Variants in EIF4G3 observed in about 807,000 individuals in gnomAD.
EIF4G3 encodes the protein eukaryotic translation initiation factor 4 gamma 3.
In EIF4G3, 34 loss-of-function variants were observed where a neutral mutation model predicts 186.4. The observed-to-expected ratio is 0.18, with a 90% confidence interval of 0.14 to 0.24. The LOEUF (loss-of-function observed/expected upper bound fraction) is 0.24, where lower values mean the gene tolerates loss of function less well. EIF4G3 is among the 10% of genes least tolerant of loss of function. EIF4G3 has a pLI of 1.00. For missense variants in EIF4G3, 1,536 were observed against 1,948.5 expected (o/e 0.79, Z 3.99); for synonymous variants, 673 against 679.5 (o/e 0.99, Z 0.15).
intron 4 of EIF4G3, among the ~76,000 whole-genome samples, chr1:21,015,665 T>C (rs1282413646): frequency 6.7e-6 from 1 of 148,802 alleles, no homozygotes; most frequent in Non-Finnish European, 1.5e-5. Context: ...AACTGAATCA[T>C]GACAAGCAAG....
chr1:20,883,307 A>C (rs1166197614), intron 19 of EIF4G3, among the ~76,000 whole-genome samples: 1 of 152,128 alleles, frequency 6.6e-6, no homozygotes, highest in Non-Finnish European at 1.5e-5. Context: ...GAACTGGATT[A>C]GTCGAGGAAT....
intron 2 of EIF4G3, among the ~76,000 whole-genome samples, chr1:21,096,159 G>C (rs1318792909): frequency 2.0e-5 from 3 of 152,118 alleles, no homozygotes; most frequent in Non-Finnish European, 2.9e-5. Flanking sequence ...TCCATCAGAA[G>C]ATGACTGCAT....
chr1:21,096,841 T>C (rs1040968563), intron 2 of EIF4G3, among the ~76,000 whole-genome samples: 8 of 152,348 alleles, frequency 5.3e-5, no homozygotes, highest in Non-Finnish European at 8.8e-5. Context: ...AAGGCCTTGA[T>C]TGACCTGAAA....
chr1:21,150,723 T>A (rs1340864562), intron 2 of EIF4G3, among the ~76,000 whole-genome samples: 1 of 152,226 alleles, frequency 6.6e-6, no homozygotes, highest in Non-Finnish European at 1.5e-5. Flanking sequence ...AGGCCTGTAA[T>A]CCCAGCACTT....
chr1:21,054,079 GTA>G (rs1263656169), intron 3 of EIF4G3, among the ~76,000 whole-genome samples: 2 of 152,168 alleles, frequency 1.3e-5, no homozygotes, highest in African/African-American at 2.4e-5. Flanking sequence ...CCATGTCTGT[GTA>G]GAAAGAGGTA....
intron 1 of EIF4G3, 123 bp downstream of exon 1, chr1:21,176,593 TCCGCCG>T (rs901105837): frequency 2.0e-5 from 3 of 153,486 alleles, no homozygotes; most frequent in Admixed American, 7.2e-5. Context: ...CGCCGCCGCC[TCCGCCG>T]CCGCCGCCGC....
At chr1:21,032,755 A>G (rs1397698519) in intron 4 of EIF4G3, among the ~76,000 whole-genome samples, 1 of 152,190 alleles carries the variant, frequency 6.6e-6, no homozygotes, top group Admixed American at 6.5e-5. Context: ...ACAATTCTAC[A>G]GAGTTTATGA....
At chr1:21,156,345 T>A (rs562517379) in intron 2 of EIF4G3, among the ~76,000 whole-genome samples, 1 of 152,290 alleles carries the variant, frequency 6.6e-6, no homozygotes, top group African/African-American at 2.4e-5. Context: ...AACCAGACAC[T>A]GCATAGACTA....
At chr1:20,809,889 T>C (rs562907718) in intron 36 of EIF4G3, among the ~76,000 whole-genome samples, 5 of 151,668 alleles carry the variant, frequency 3.3e-5, no homozygotes, top group Non-Finnish European at 7.4e-5. Flanking sequence ...GAAAGTTTTA[T>C]TAGGCCTGCC....
At chr1:21,055,376 T>C (rs2154578004) in intron 3 of EIF4G3, among the ~76,000 whole-genome samples, 1 of 152,206 alleles carries the variant, frequency 6.6e-6, no homozygotes, top group East Asian at 1.9e-4. Context: ...CTGATAAAAA[T>C]TAAATACCAA....
At chr1:21,055,336 A>G (rs2154578000) in intron 3 of EIF4G3, among the ~76,000 whole-genome samples, 1 of 152,284 alleles carries the variant, frequency 6.6e-6, no homozygotes, top group South Asian at 2.1e-4. Flanking sequence ...ACTATATAAA[A>G]TCTATCTTAG....
intron 14 of EIF4G3, among the ~76,000 whole-genome samples, chr1:20,939,116 T>TAAAAAAAAAAA (rs3051247): frequency 3.1e-5 from 4 of 129,708 alleles, no homozygotes; most frequent in Non-Finnish European, 3.1e-5. Context: ...TAAAAAAAAT[T>TAAAAAAAAAAA]AAAAAAAAAA....
chr1:20,817,395 T>C lies in EIF4G3; in HGVS notation c.4512A>G (p.Val1504=), dbSNP rs376869565. The C allele has an allele frequency of 3.4e-5, 54 of 1,590,940 alleles. No individual in the cohort carries two copies. The highest frequency in any genetic ancestry group is 4.3e-5 in the Non-Finnish European group (50 of 1,166,476). Residue 1504 remains valine, a synonymous_variant, in exon 34 of 37, where the codon GTA becomes GTG. Transcript: ENST00000602326. ...GAAGGTGACATAGTCTTTATACCTC[T>C]ACCCAGTCAAAGATCTGTTCATCAT... is the stretch of plus-strand genomic sequence containing the variant. ...KANDEQIFDW[V]EANLDEIQMS...
intron 2 of EIF4G3, among the ~76,000 whole-genome samples, chr1:21,159,844 C>T (rs191522981): frequency 5.3e-5 from 8 of 151,876 alleles, no homozygotes; most frequent in Admixed American, 5.2e-4. Flanking sequence ...CGGTGGCTTA[C>T]ACCTGTAATC....
intron 25 of EIF4G3, among the ~76,000 whole-genome samples, chr1:20,856,260 T>C (rs2074870286): frequency 6.6e-6 from 1 of 152,226 alleles, no homozygotes; most frequent in Non-Finnish European, 1.5e-5. Context: ...GCAAATGACA[T>C]AGCCCATTTT....
At chr1:20,997,981 A>C (rs2082660888) in intron 6 of EIF4G3, among the ~76,000 whole-genome samples, 1 of 152,100 alleles carries the variant, frequency 6.6e-6, no homozygotes, top group Admixed American at 6.5e-5. Flanking sequence ...GGTTATATTA[A>C]GACAAACATG....
At chr1:21,025,210 G>A (rs1033258797) in intron 4 of EIF4G3, among the ~76,000 whole-genome samples, 1 of 152,212 alleles carries the variant, frequency 6.6e-6, no homozygotes, top group African/African-American at 2.4e-5. Context: ...GGTGACATCA[G>A]AGGATTAGAT....
At chr1:20,959,541 T>G (rs2096523783) in intron 12 of EIF4G3, among the ~76,000 whole-genome samples, 1 of 151,468 alleles carries the variant, frequency 6.6e-6, no homozygotes, top group African/African-American at 2.4e-5. Context: ...TAGAACCTAA[T>G]TAAACTAAAA....
intron 12 of EIF4G3, among the ~76,000 whole-genome samples, chr1:20,969,200 T>C (rs1436654470): frequency 6.6e-6 from 1 of 152,222 alleles, no homozygotes; most frequent in Non-Finnish European, 1.5e-5. Flanking sequence ...GCAGCTCCTT[T>C]TGGCATCATG....
Sources: gnomAD v4.1 joint callset for allele counts (sites outside exome capture counted in the v4.1 genomes callset) on GRCh38, gnomAD v4.1.1 for gene constraint, MANE v1.5 for transcripts, NCBI Gene and HGNC (gene_info 2026-07-23, HGNC 2026-07-21) for gene names.